ZNRF1: variants seen among roughly 807,000 people sequenced by gnomAD.
The protein encoded by ZNRF1 is E3 ubiquitin-protein ligase ZNRF1.
Under a neutral mutation model 18.4 loss-of-function variants are expected in ZNRF1, and 3 were observed. That is an observed-to-expected ratio of 0.16 (90% CI 0.07 to 0.42). ZNRF1 has a LOEUF of 0.42. ZNRF1 is among the 10% of genes least tolerant of loss of function. The probability of loss-of-function intolerance (pLI) is 0.99; values close to 1 mark genes in which losing one functional copy is unlikely to be tolerated. For missense variants in ZNRF1, 310 were observed against 329.8 expected (o/e 0.94, Z 0.47); for synonymous variants, 157 against 144.2 (o/e 1.09, Z -0.64).
intron 1 of ZNRF1, among the ~76,000 whole-genome samples, chr16:75,010,815 A>G (rs2034990682): frequency 6.6e-6 from 1 of 150,380 alleles, no homozygotes; most frequent in South Asian, 2.1e-4. Context: ...GGCTCAAGCA[A>G]TTCTCTTGCT....
At chr16:75,094,942 G>C (rs1001077050) in intron 2 of ZNRF1, among the ~76,000 whole-genome samples, 1 of 152,138 alleles carries the variant, frequency 6.6e-6, no homozygotes, top group Non-Finnish European at 1.5e-5. Context: ...CTGAGGACTG[G>C]ATCACGCAAC....
intron 1 of ZNRF1, among the ~76,000 whole-genome samples, chr16:75,092,491 A>C (rs943091394): frequency 5.3e-5 from 8 of 152,282 alleles, no homozygotes; most frequent in African/African-American, 1.4e-4. Flanking sequence ...CAGTGGCAAC[A>C]GATCTTTTTG....
chr16:75,006,707 A>T (rs775649835), intron 1 of ZNRF1, among the ~76,000 whole-genome samples: 1 of 152,228 alleles, frequency 6.6e-6, no homozygotes. Flanking sequence ...GAGTGCTGGC[A>T]TTACAGGCAT....
chr16:75,061,352 A>G (rs2035741446), intron 1 of ZNRF1, among the ~76,000 whole-genome samples: 2 of 148,462 alleles, frequency 1.3e-5, no homozygotes, highest in South Asian at 4.3e-4. Flanking sequence ...CTCTGTGTCC[A>G]TGAATTCAAT....
intron 1 of ZNRF1, among the ~76,000 whole-genome samples, chr16:75,002,987 C>T (rs1230012973): frequency 6.6e-6 from 1 of 152,188 alleles, no homozygotes; most frequent in Non-Finnish European, 1.5e-5. Flanking sequence ...GAGTTTCGCT[C>T]TTGTTGCCCA....
chr16:75,024,274 G>C (rs1394663585), intron 1 of ZNRF1, among the ~76,000 whole-genome samples: 1 of 152,206 alleles, frequency 6.6e-6, no homozygotes, highest in African/African-American at 2.4e-5. Flanking sequence ...TTAGGGAATT[G>C]AGGCTCGGAG....
chr16:75,023,505 C>G (rs2035181000), intron 1 of ZNRF1, among the ~76,000 whole-genome samples: 1 of 151,960 alleles, frequency 6.6e-6, no homozygotes, highest in South Asian at 2.1e-4. Context: ...CCAACATGGC[C>G]AAACCCCGTC....
intron 1 of ZNRF1, 73 bp from the exon 2 acceptor site, chr16:75,093,499 C>T (rs1021910885): frequency 1.6e-5 from 19 of 1,212,768 alleles, no homozygotes; most frequent in Admixed American, 1.4e-4. Context: ...GGCTGTCATT[C>T]GAGAGTGTCC....
At chr16:75,041,242 C>T (rs2035443544) in intron 1 of ZNRF1, among the ~76,000 whole-genome samples, 1 of 152,206 alleles carries the variant, frequency 6.6e-6, no homozygotes, top group South Asian at 2.1e-4. Context: ...TTGCCACATC[C>T]TTGCCAACAC....
intron 2 of ZNRF1, among the ~76,000 whole-genome samples, chr16:75,103,258 T>C (rs1567496591): frequency 6.6e-6 from 1 of 152,198 alleles, no homozygotes; most frequent in Non-Finnish European, 1.5e-5. Context: ...ATTCCTTCTT[T>C]TTGGGATGGT....
At chr16:75,023,042 T>C (rs2035174436) in intron 1 of ZNRF1, among the ~76,000 whole-genome samples, 1 of 152,200 alleles carries the variant, frequency 6.6e-6, no homozygotes, top group African/African-American at 2.4e-5. Context: ...ACCCCCAATG[T>C]TGAATACGCT....
intron 1 of ZNRF1, chr16:75,000,334 G>A: frequency 1.4e-6 from 1 of 699,858 alleles, no homozygotes. Flanking sequence ...GAAGGGCAGA[G>A]CGAAGCCTAC....
chr16:75,056,487 C>A (rs1217038486), intron 1 of ZNRF1, among the ~76,000 whole-genome samples: 1 of 152,178 alleles, frequency 6.6e-6, no homozygotes, highest in Non-Finnish European at 1.5e-5. Context: ...GTTGACAAAT[C>A]TGGTATTGGT....
At chr16:75,002,733 G>A (rs2034868555) in intron 1 of ZNRF1, among the ~76,000 whole-genome samples, 2 of 152,208 alleles carry the variant, frequency 1.3e-5, no homozygotes, top group African/African-American at 4.8e-5. Context: ...CTCCAGCCTT[G>A]CTCCGCAAAT....
At chr16:75,087,996 G>A (rs1597904159) in intron 1 of ZNRF1, among the ~76,000 whole-genome samples, 1 of 152,254 alleles carries the variant, frequency 6.6e-6, no homozygotes, top group East Asian at 1.9e-4. Flanking sequence ...TGCTCTGAGT[G>A]CTGATGAAGG....
intron 1 of ZNRF1, among the ~76,000 whole-genome samples, chr16:75,075,821 T>C (rs1298709877): frequency 6.6e-6 from 1 of 152,120 alleles, no homozygotes; most frequent in Non-Finnish European, 1.5e-5. Context: ...GTGGAGATCA[T>C]TGGCAACCGT....
chr16:75,053,125 A>C (rs2035625986), intron 1 of ZNRF1, among the ~76,000 whole-genome samples: 1 of 152,180 alleles, frequency 6.6e-6, no homozygotes, highest in Admixed American at 6.5e-5. Context: ...TCGCAGAGGA[A>C]ATCTAGGGGG....
At chr16:75,059,056 C>A (rs1014462079) in intron 1 of ZNRF1, among the ~76,000 whole-genome samples, 12 of 152,116 alleles carry the variant, frequency 7.9e-5, no homozygotes, top group Admixed American at 1.3e-4. Context: ...ATGTGTCAGG[C>A]CTGCCTGCTC....
rs28859617 is a variant in ZNRF1 at position 75,085,791 on chromosome 16, T to A, written c.425-7781T>A. ...TTCTAGAGAAACAGATCCGACAGAGTGAGAGAGAGAGAGAGAGAGAGAGAG... is the reference window on the plus strand; with the variant it reads ...TTCTAGAGAAACAGATCCGACAGAGAGAGAGAGAGAGAGAGAGAGAGAGAG... On this transcript the variant is annotated intron_variant, in intron 1 of 4. Transcript: ENST00000335325. Among the ~76,000 whole-genome samples the A allele has an allele frequency of 2.4e-4, 33 of 139,040 alleles. 1 individual carries two copies. Among genetic ancestry groups the A allele is most frequent in the African/African-American group, 6.9e-4 (24 of 34,612 alleles). 91.2% of individuals were successfully genotyped at this position (139,040 alleles called of 152,430 possible).
Sources: gnomAD v4.1 joint callset for allele counts (sites outside exome capture counted in the v4.1 genomes callset) on GRCh38, gnomAD v4.1.1 for gene constraint, MANE v1.5 for transcripts, NCBI Gene and HGNC (gene_info 2026-07-23, HGNC 2026-07-21) for gene names.